Variants in TRAPPC2L observed in about 807,000 individuals in gnomAD.
TRAPPC2L encodes the protein trafficking protein particle complex subunit 2L.
A neutral mutation model predicts 13.2 loss-of-function variants in TRAPPC2L; 17 were observed. The observed-to-expected ratio is 1.29, with a 90% confidence interval of 0.88 to 1.93. The LOEUF (loss-of-function observed/expected upper bound fraction) is 1.93. Among genes scored for constraint, TRAPPC2L ranks in the 30% most tolerant of loss-of-function variants. The pLI is 0.00. For synonymous variants in TRAPPC2L, 150 were observed against 98.1 expected, an observed-to-expected ratio of 1.53 and a Z score of -3.12; for missense variants, 359 against 252.1, an observed-to-expected ratio of 1.42 and a Z score of -2.87.
exon 4 of TRAPPC2L, chr16:88,860,775 C>G (rs926086653): frequency 1.1e-6 from 1 of 922,312 alleles, no homozygotes; most frequent in Non-Finnish European, 1.7e-6. Flanking sequence ...CTGTCCTGGC[C>G]TCTCAGCGGA....
At chr16:88,862,281 C>T (rs1273906887) in exon 4 of TRAPPC2L, 1 of 152,470 alleles carries the variant, frequency 6.6e-6, no homozygotes, top group African/African-American at 2.4e-5. Flanking sequence ...CCCGGTGCCT[C>T]TGCCCAGTTC....
chr16:88,859,476 T>A, intron 2 of TRAPPC2L, 187 bp from the exon 3 acceptor site: 1 of 715,712 alleles, frequency 1.4e-6, no homozygotes, highest in Non-Finnish European at 2.5e-6. Flanking sequence ...TCGCTTCTCC[T>A]GCAAACACCA....
exon 4 of TRAPPC2L, chr16:88,861,653 C>G (rs1395988451): frequency 2.0e-6 from 1 of 500,026 alleles, no homozygotes; most frequent in South Asian, 1.5e-5. Flanking sequence ...TGACTACCAC[C>G]CAGGGCAGCG....
chr16:88,857,029 G>GA, upstream of TRAPPC2L: 1 of 1,414,702 alleles, frequency 7.1e-7, no homozygotes, highest in Non-Finnish European at 9.2e-7. Context: ...GCGGGGCCTG[G>GA]ACTGCCTCGT....
chr16:88,860,974 C>T (rs1447232044), exon 4 of TRAPPC2L: 4 of 1,578,146 alleles, frequency 2.5e-6, no homozygotes, highest in Non-Finnish European at 2.6e-6. Context: ...GCTGTGCTGC[C>T]AGCCATCGCA....
At chr16:88,857,792 C>T (rs569200646) in intron 1 of TRAPPC2L, among the ~76,000 whole-genome samples, 12 of 152,250 alleles carry the variant, frequency 7.9e-5, no homozygotes, top group African/African-American at 2.7e-4. Context: ...CTCCCATCCT[C>T]TTTACTGGCC....
In TRAPPC2L at chr16:88,861,905, A is replaced by G. The variant is rs1226233279; in HGVS notation, c.*1581A>G. On this transcript the variant is annotated 3_prime_UTR_variant, in exon 4 of 4. Coordinates refer to ENST00000565504, the Ensembl canonical transcript of TRAPPC2L. The stretch of plus-strand genomic sequence containing the variant: ...ACATATTTGCCTTTTCATCCCATCT[A>G]GCAAGCACAGTGTTAATTTTAGAAA... 1.5e-5 allele frequency: 4 copies of G among 275,276 alleles called. 1 individual carries two copies. The highest frequency in any genetic ancestry group is 8.8e-5 in the South Asian group (3 of 33,984). The allele number at this position is 275,276 out of a possible 1,614,324, so 17.1% of individuals were successfully genotyped here. A position where few individuals can be genotyped will look rare whatever the true frequency, so the allele number is the denominator to read the frequency against.
intron 1 of TRAPPC2L, among the ~76,000 whole-genome samples, chr16:88,857,798 T>C (rs1233602852): frequency 6.6e-6 from 1 of 152,224 alleles, no homozygotes; most frequent in Non-Finnish European, 1.5e-5. Flanking sequence ...TCCTCTTTAC[T>C]GGCCCACATA....
chr16:88,858,165 A>T (rs1968098178), intron 1 of TRAPPC2L, among the ~76,000 whole-genome samples: 1 of 152,240 alleles, frequency 6.6e-6, no homozygotes, highest in African/African-American at 2.4e-5. Context: ...TCAGAAATGC[A>T]GAGATGAAGG....
At chr16:88,861,864 G>A (rs549992582) in exon 4 of TRAPPC2L, 2 of 303,718 alleles carry the variant, frequency 6.6e-6, no homozygotes, top group Non-Finnish European at 1.3e-5. Context: ...GACCTAGGGA[G>A]GGGAACTTTC....
At chr16:88,857,469 C>T (rs1265357320) in intron 1 of TRAPPC2L, 7 of 416,648 alleles carry the variant, frequency 1.7e-5, no homozygotes, top group Non-Finnish European at 2.6e-5. Context: ...CGGGCACTAC[C>T]TCCGTCCTCC....
chr16:88,859,372 A>C (rs1340136477), intron 2 of TRAPPC2L: 3 of 692,760 alleles, frequency 4.3e-6, no homozygotes, highest in Non-Finnish European at 5.3e-6. Context: ...GCATTGATTC[A>C]TGAAGAGGGT....
At position 88,859,561 on chromosome 16, in the gene TRAPPC2L, C is replaced by G. The variant is rs779749491; in HGVS notation, c.207-102C>G. ...AGGACCAGCCCAGCATGGGCATTTCCTGTGATTCAAGGTTGCCACATTTCT... is the reference window on the plus strand; with the variant it reads ...AGGACCAGCCCAGCATGGGCATTTCGTGTGATTCAAGGTTGCCACATTTCT... On this transcript the variant is annotated intron_variant, in intron 2 of 3. Coordinates refer to ENST00000565504, the Ensembl canonical transcript of TRAPPC2L. The G allele has an allele frequency of 9.9e-6, 11 of 1,116,552 alleles. No homozygotes were observed. The Admixed American group carries it at 1.9e-4, about 19-fold the overall frequency. 69.2% of individuals were successfully genotyped at this position (1,116,552 alleles called of 1,614,324 possible).
At chr16:88,856,900 C>T, upstream of TRAPPC2L, 1 of 1,499,986 alleles carries the variant, frequency 6.7e-7, no homozygotes, top group Non-Finnish European at 8.8e-7. Flanking sequence ...AGCCGCGGAG[C>T]CCCGGCCAGC....
upstream of TRAPPC2L, chr16:88,857,018 G>A: frequency 7.2e-7 from 1 of 1,392,664 alleles, no homozygotes; most frequent in Non-Finnish European, 9.2e-7. Context: ...AGGGACGGGA[G>A]GCGGGGCCTG....
chr16:88,861,481 C>T lies in TRAPPC2L; in HGVS notation c.*1157C>T, dbSNP rs140877975. The T allele has an allele frequency of 1.9e-3, 680 of 355,530 alleles. 3 individuals are homozygous for T. Among genetic ancestry groups the T allele is most frequent in the African/African-American group, 0.014 (631 of 46,620 alleles). 22.0% of individuals were successfully genotyped at this position (355,530 alleles called of 1,614,324 possible). On this transcript the variant is annotated 3_prime_UTR_variant, in exon 4 of 4. Transcript: ENST00000565504. Reference sequence around the variant, plus strand: ...TCTGGCTCAATGTCTGGATTCCGCCCGGCCTTAAAAGGAGCCCTTGTGAAA... The same window carrying T: ...TCTGGCTCAATGTCTGGATTCCGCCTGGCCTTAAAAGGAGCCCTTGTGAAA...
At chr16:88,858,386 T>C (rs189725488) in intron 1 of TRAPPC2L, among the ~76,000 whole-genome samples, 2 of 152,276 alleles carry the variant, frequency 1.3e-5, no homozygotes, top group Non-Finnish European at 2.9e-5. Flanking sequence ...TCATTTTTTC[T>C]TTTCCGCCCA....
At chr16:88,859,636 G>T in intron 2 of TRAPPC2L, 27 bp from the exon 3 acceptor site, 3 of 1,610,280 alleles carry the variant, frequency 1.9e-6, no homozygotes, top group Non-Finnish European at 2.5e-6. Flanking sequence ...CCTGTGTTAC[G>T]AGTGCCTTCC....
chr16:88,862,032 C>T (rs773569848), exon 4 of TRAPPC2L: 5 of 176,938 alleles, frequency 2.8e-5, no homozygotes, highest in Admixed American at 6.3e-5. Context: ...CGAGGCACAC[C>T]AGGCAGCTGA....
Sources: gnomAD v4.1 joint callset for allele counts (sites outside exome capture counted in the v4.1 genomes callset) on GRCh38, gnomAD v4.1.1 for gene constraint, MANE v1.5 for transcripts, NCBI Gene and HGNC (gene_info 2026-07-23, HGNC 2026-07-21) for gene names.